GALNT13: variants seen among roughly 807,000 people sequenced by gnomAD.
GALNT13 encodes polypeptide N-acetylgalactosaminyltransferase 13, also known as UDP-GalNAc:polypeptide N-acetylgalactosaminyltransferase 13.
Under a neutral mutation model 64.2 loss-of-function variants are expected in GALNT13, and 28 were observed. The ratio of observed to expected loss-of-function variants is 0.44; its 90% confidence interval spans 0.32 to 0.60. The LOEUF (loss-of-function observed/expected upper bound fraction) is 0.60, where lower values mean the gene tolerates loss of function less well. Among genes scored for constraint, GALNT13 ranks in the 20% least tolerant of loss-of-function variants. The pLI is 0.05. For synonymous variants in GALNT13, 214 were observed against 224.6 expected, an observed-to-expected ratio of 0.95 and a Z score of 0.42; for missense variants, 577 against 669.8, an observed-to-expected ratio of 0.86 and a Z score of 1.53.
chr2:153,490,008 C>T, the GALNT13 span, among the ~76,000 whole-genome samples: 2 of 150,410 alleles, frequency 1.3e-5, no homozygotes, highest in Non-Finnish European at 1.5e-5. Flanking sequence ...CACACACACA[C>T]ACAAACACAC....
At chr2:153,849,706 G>C in the GALNT13 span, among the ~76,000 whole-genome samples, 1 of 152,118 alleles carries the variant, frequency 6.6e-6, no homozygotes, top group African/African-American at 2.4e-5. Flanking sequence ...AGAAGAAGAA[G>C]TTCAGGGAGG....
At chr2:154,036,420 G>A (rs926975244) in intron 3 of GALNT13, among the ~76,000 whole-genome samples, 1 of 152,008 alleles carries the variant, frequency 6.6e-6, no homozygotes, top group Non-Finnish European at 1.5e-5. Flanking sequence ...GCTTCTGAGA[G>A]GATAAGTGTT....
At chr2:153,296,567 C>A in the GALNT13 span, among the ~76,000 whole-genome samples, 1 of 152,046 alleles carries the variant, frequency 6.6e-6, no homozygotes, top group Non-Finnish European at 1.5e-5. Context: ...GACAGGTCAC[C>A]TGTTAAAAGC....
the GALNT13 span, among the ~76,000 whole-genome samples, chr2:153,323,846 A>G: frequency 6.6e-6 from 1 of 152,108 alleles, no homozygotes; most frequent in Non-Finnish European, 1.5e-5. Flanking sequence ...CCATTGGTCT[A>G]TATATCTATT....
upstream of GALNT13, among the ~76,000 whole-genome samples, chr2:153,870,836 T>C (rs1339970108): frequency 6.6e-6 from 1 of 151,644 alleles, no homozygotes; most frequent in African/African-American, 2.4e-5. Context: ...AAAAACATCC[T>C]ATAAGATGTG....
the GALNT13 span, among the ~76,000 whole-genome samples, chr2:153,723,991 C>A: frequency 2.0e-5 from 3 of 146,956 alleles, no homozygotes; most frequent in Non-Finnish European, 4.5e-5. Flanking sequence ...GAGCCCGCAT[C>A]GCCAAGTCAA....
chr2:154,227,031 G>T (rs1338084148), intron 4 of GALNT13, among the ~76,000 whole-genome samples: 1 of 152,108 alleles, frequency 6.6e-6, no homozygotes, highest in Non-Finnish European at 1.5e-5. Context: ...TTATCTGCAT[G>T]ACTTTCTGCT....
the GALNT13 span, among the ~76,000 whole-genome samples, chr2:153,561,852 TG>T: frequency 1.3e-5 from 2 of 152,178 alleles, no homozygotes; most frequent in African/African-American, 2.4e-5. Context: ...AATTTCTATT[TG>T]TAAATGTTTT....
At chr2:153,468,324 G>A in the GALNT13 span, among the ~76,000 whole-genome samples, 2 of 151,976 alleles carry the variant, frequency 1.3e-5, no homozygotes, top group Non-Finnish European at 2.9e-5. Flanking sequence ...TATCTCAATA[G>A]TCCGTGAAGT....
chr2:154,446,597 G>A (rs1701591032), intron 12 of GALNT13: 1 of 1,547,078 alleles, frequency 6.5e-7, no homozygotes, highest in Non-Finnish European at 8.7e-7. Context: ...TAATCACCCA[G>A]TCTTGTCTCT....
At chr2:153,525,171 C>A in the GALNT13 span, among the ~76,000 whole-genome samples, 1 of 152,182 alleles carries the variant, frequency 6.6e-6, no homozygotes, top group Non-Finnish European at 1.5e-5. Context: ...ACTGCCTTGA[C>A]GAGAAGAAAC....
the GALNT13 span, among the ~76,000 whole-genome samples, chr2:153,474,317 GA>G: frequency 1.3e-5 from 2 of 152,272 alleles, no homozygotes; most frequent in Admixed American, 1.3e-4. Context: ...TTAGTGACCA[GA>G]ACCAAAATTT....
intron 4 of GALNT13, among the ~76,000 whole-genome samples, chr2:154,182,694 T>C (rs1284337842): frequency 6.7e-6 from 1 of 148,822 alleles, no homozygotes; most frequent in African/African-American, 2.4e-5. Flanking sequence ...ATATATTTAT[T>C]ATATTTGTAT....
At chr2:154,110,223 T>C (rs1248286233) in intron 3 of GALNT13, among the ~76,000 whole-genome samples, 1 of 141,804 alleles carries the variant, frequency 7.1e-6, no homozygotes, top group Non-Finnish European at 1.5e-5. Context: ...TTTCCAAAGG[T>C]TTGGGGGAGC....
the GALNT13 span, among the ~76,000 whole-genome samples, chr2:153,700,327 T>C: frequency 6.6e-6 from 1 of 152,174 alleles, no homozygotes; most frequent in South Asian, 2.1e-4. Context: ...AACTAGGTAT[T>C]GATGGAACAT....
At chr2:154,101,463 A>G (rs1052279604) in intron 3 of GALNT13, among the ~76,000 whole-genome samples, 3 of 151,984 alleles carry the variant, frequency 2.0e-5, no homozygotes, top group Middle Eastern at 3.4e-3. Context: ...GTAGTCTTTC[A>G]TGATGTTTTG....
chr2:154,249,197 A>G (rs1429665071), intron 7 of GALNT13, among the ~76,000 whole-genome samples: 2 of 152,178 alleles, frequency 1.3e-5, no homozygotes, highest in African/African-American at 4.8e-5. Context: ...AATAAGTTTG[A>G]TTCCATACAA....
intron 3 of GALNT13, among the ~76,000 whole-genome samples, chr2:154,129,901 C>T (rs1682513704): frequency 6.6e-6 from 1 of 152,006 alleles, no homozygotes; most frequent in South Asian, 2.1e-4. Context: ...GCTGGCGAAC[C>T]TGTTAGCTAC....
chr2:153,635,433 T>C, the GALNT13 span, among the ~76,000 whole-genome samples: 14 of 146,644 alleles, frequency 9.5e-5, no homozygotes, highest in African/African-American at 3.2e-4. Context: ...TATATGTATA[T>C]ATATATACAC....
Sources: gnomAD v4.1 joint callset for allele counts (sites outside exome capture counted in the v4.1 genomes callset) on GRCh38, gnomAD v4.1.1 for gene constraint, MANE v1.5 for transcripts, NCBI Gene and HGNC (gene_info 2026-07-23, HGNC 2026-07-21) for gene names.